The following DOCK8 variants were observed in gnomAD, a reference collection of about 807,000 sequenced individuals.
DOCK8 encodes the protein dedicator of cytokinesis protein 8.
Under a neutral mutation model 245.6 loss-of-function variants are expected in DOCK8, and 141 were observed. The observed-to-expected ratio is 0.57, with a 90% CI of 0.50 to 0.66. The LOEUF (loss-of-function observed/expected upper bound fraction) is 0.66. DOCK8 is among the 30% of genes least tolerant of loss of function. The probability of loss-of-function intolerance (pLI) is 0.00; values close to 1 mark genes in which losing one functional copy is unlikely to be tolerated. For synonymous variants in DOCK8, 1,168 were observed against 970.2 expected (o/e 1.20, Z -3.79); for missense variants, 2,965 against 2,603.4 (o/e 1.14, Z -3.02).
At chr9:266,772 G>C (rs1324399902) in intron 1 of DOCK8, among the ~76,000 whole-genome samples, 2 of 152,096 alleles carry the variant, frequency 1.3e-5, no homozygotes, top group Non-Finnish European at 2.9e-5. Context: ...AAATCCCAAG[G>C]CTCCCTTCCG....
At chr9:401,138 C>G (rs2055080269) in intron 26 of DOCK8, among the ~76,000 whole-genome samples, 1 of 132,406 alleles carries the variant, frequency 7.6e-6, no homozygotes, top group South Asian at 2.1e-4. Context: ...TGTGGTTAGT[C>G]ACTTAGTGAC....
intron 28 of DOCK8, among the ~76,000 whole-genome samples, chr9:408,290 A>G (rs2055534301): frequency 6.6e-6 from 1 of 152,172 alleles, no homozygotes; most frequent in Admixed American, 6.5e-5. Context: ...GTCCCAAGCT[A>G]TGTACCCAGG....
At chr9:371,810 A>C (rs2053298817) in intron 17 of DOCK8, among the ~76,000 whole-genome samples, 2 of 152,262 alleles carry the variant, frequency 1.3e-5, no homozygotes, top group Non-Finnish European at 1.5e-5. Context: ...AAAGCATTGC[A>C]GTGTTCACTA....
intron 1 of DOCK8, among the ~76,000 whole-genome samples, chr9:241,759 T>C (rs1426475827): frequency 6.6e-6 from 1 of 152,170 alleles, no homozygotes; most frequent in East Asian, 1.9e-4. Context: ...TGCTAGATCA[T>C]ATGGTAGTTC....
chr9:274,465 CT>C (rs71312800), intron 2 of DOCK8, among the ~76,000 whole-genome samples: 26 of 144,958 alleles, frequency 1.8e-4, no homozygotes, highest in African/African-American at 1.0e-4. Flanking sequence ...GGATTGAATT[CT>C]TTTTTTTTTC....
intron 4 of DOCK8, among the ~76,000 whole-genome samples, chr9:290,459 A>C (rs2048993296): frequency 1.3e-5 from 2 of 152,154 alleles, no homozygotes; most frequent in South Asian, 4.1e-4. Flanking sequence ...GTGAATTGAA[A>C]CCTGGCCTCA....
chr9:423,661 G>A (rs1052915073), intron 33 of DOCK8, among the ~76,000 whole-genome samples: 2 of 152,104 alleles, frequency 1.3e-5, no homozygotes, highest in African/African-American at 4.8e-5. Flanking sequence ...CCAGTTGTTG[G>A]TATCATGCCT....
chr9:444,363 A>AATAATAATAATT (rs1202085563), intron 43 of DOCK8, among the ~76,000 whole-genome samples: 2 of 150,326 alleles, frequency 1.3e-5, no homozygotes, highest in Admixed American at 6.7e-5. Flanking sequence ...TAATAATAAT[A>AATAATAATAATT]ATTTGGGAGT....
intron 28 of DOCK8, among the ~76,000 whole-genome samples, chr9:411,601 G>C (rs1487761653): frequency 6.6e-6 from 1 of 151,990 alleles, no homozygotes. Context: ...CTTGTTCTAT[G>C]AAGCTAGCAT....
At chr9:282,773 T>C (rs1271424840) in intron 2 of DOCK8, among the ~76,000 whole-genome samples, 1 of 152,166 alleles carries the variant, frequency 6.6e-6, no homozygotes, top group African/African-American at 2.4e-5. Context: ...TTCTCACTGA[T>C]GATTGCACAC....
intron 23 of DOCK8, among the ~76,000 whole-genome samples, chr9:389,210 G>A (rs1485401003): frequency 6.6e-6 from 1 of 152,180 alleles, no homozygotes; most frequent in Non-Finnish European, 1.5e-5. Context: ...TGGATTGATT[G>A]CCCTACCTTT....
At position 356,164 on chromosome 9, in the gene DOCK8, C is replaced by T. The variant is rs7034525; in HGVS notation, c.1680-11854C>T. ...TCCTGGGTTCCAAGGACAGTGGCTG[C>T]GAGTTAGGAAAGATACATTTATCCA... is the stretch of plus-strand genomic sequence containing the variant. On this transcript the variant is annotated intron_variant, in intron 14 of 47. Coordinates refer to ENST00000432829, the MANE Select transcript of DOCK8 (RefSeq NM_203447.4). Among the ~76,000 whole-genome samples, 726 of 152,224 alleles carry T rather than the reference C, an allele frequency of 4.8e-3. 6 individuals carry two copies. The highest frequency in any genetic ancestry group is 0.017 in the African/African-American group (687 of 41,526).
At chr9:250,974 C>CCTCTGATGAAGGGAAGGCT (rs2047631954) in intron 1 of DOCK8, among the ~76,000 whole-genome samples, 2 of 152,044 alleles carry the variant, frequency 1.3e-5, no homozygotes, top group Non-Finnish European at 2.9e-5. Context: ...TGAGGAAGGC[C>CCTCTGATGAAGGGAAGGCT]CTCTGATGAA....
intron 2 of DOCK8, among the ~76,000 whole-genome samples, chr9:281,845 A>G (rs17720878): frequency 0.12 from 17,909 of 152,234 alleles, 1,361 homozygotes; most frequent in Non-Finnish European, 0.18. Flanking sequence ...AGTTTACACC[A>G]CATTTGGAAT....
At chr9:272,205 A>C (rs2048182839) in intron 2 of DOCK8, among the ~76,000 whole-genome samples, 1 of 151,322 alleles carries the variant, frequency 6.6e-6, no homozygotes, top group Admixed American at 6.6e-5. Context: ...GGCAACTTAG[A>C]GTCACTTAAC....
At chr9:459,703 G>A (rs1398420760) in intron 46 of DOCK8, 1 of 152,214 alleles carries the variant, frequency 6.6e-6, no homozygotes, top group African/African-American at 2.4e-5. Context: ...ACAGTGACTA[G>A]GACTTGAATT....
chr9:429,246 C>T lies in DOCK8; in HGVS notation c.4474-456C>T, dbSNP rs144114046. ...CCTCCCAAAGCACTGGGATTACAGG[C>T]GTGAGCCCCCGTTCCTGGCCTATTT... On this transcript the variant is annotated intron_variant, in intron 35 of 47. Transcript: ENST00000432829. Among the ~76,000 whole-genome samples, 846 of 152,324 alleles carry T rather than the reference C, an allele frequency of 5.6e-3. 7 individuals carry two copies. Among genetic ancestry groups the T allele is most frequent in the East Asian group, 0.035 (181 of 5,178 alleles).
At chr9:394,492 C>T (rs1437996808) in intron 24 of DOCK8, among the ~76,000 whole-genome samples, 1 of 152,252 alleles carries the variant, frequency 6.6e-6, no homozygotes, top group African/African-American at 2.4e-5. Context: ...AGCCAACAAC[C>T]TGGGCAATTT....
rs999131720 is a variant in DOCK8 at position 371,692 on chromosome 9, C to T, written c.2007+126C>T. On this transcript the variant is annotated intron_variant, in intron 17 of 47. Transcript: ENST00000432829. ...GTCAGAAGTAGCAAAACATGCTAAG[C>T]CACATTATAGCAAGAGGCAGAAATG... The T allele has an allele frequency of 1.5e-5, 19 of 1,292,774 alleles. No individual in the cohort carries two copies. The East Asian group carries it at 4.5e-4, about 31-fold the overall frequency. 80.1% of individuals were successfully genotyped at this position (1,292,774 alleles called of 1,614,324 possible). A position where few individuals can be genotyped will look rare whatever the true frequency, so the allele number is the denominator to read the frequency against.
Sources: gnomAD v4.1 joint callset for allele counts (sites outside exome capture counted in the v4.1 genomes callset) on GRCh38, gnomAD v4.1.1 for gene constraint, MANE v1.5 for transcripts, NCBI Gene and HGNC (gene_info 2026-07-23, HGNC 2026-07-21) for gene names.